Variants in DTNA observed in about 807,000 individuals in gnomAD.
The protein encoded by DTNA is dystrophin-related protein 3.
In DTNA, 43 loss-of-function variants were observed where a neutral mutation model predicts 100.7. The ratio of observed to expected loss-of-function variants is 0.43; its 90% confidence interval spans 0.33 to 0.55. DTNA has a LOEUF of 0.55. Ranked by LOEUF, DTNA falls within the 20% of genes least tolerant of loss-of-function variation. The pLI is 0.04. For synonymous variants in DTNA, 349 were observed against 347.9 expected (o/e 1.00, Z -0.04); for missense variants, 798 against 953.9 (o/e 0.84, Z 2.15).
chr18:34,729,116 G>T (rs1375527267), intron 1 of DTNA, among the ~76,000 whole-genome samples: 1 of 152,188 alleles, frequency 6.6e-6, no homozygotes, highest in Non-Finnish European at 1.5e-5. Context: ...AATGTCAATG[G>T]CAGGAACTCA....
At chr18:34,559,380 A>G (rs993341587) in intron 1 of DTNA, among the ~76,000 whole-genome samples, 4 of 152,354 alleles carry the variant, frequency 2.6e-5, no homozygotes, top group Non-Finnish European at 5.9e-5. Flanking sequence ...AAGTATTCCA[A>G]AAATACTGAA....
intron 1 of DTNA, among the ~76,000 whole-genome samples, chr18:34,626,483 T>G (rs2057338464): frequency 6.6e-6 from 1 of 152,204 alleles, no homozygotes; most frequent in Non-Finnish European, 1.5e-5. Flanking sequence ...TCTGTAAGGC[T>G]GTTTTCTGTT....
chr18:34,562,662 C>A (rs1045542040), intron 1 of DTNA, among the ~76,000 whole-genome samples: 7 of 152,160 alleles, frequency 4.6e-5, no homozygotes, highest in African/African-American at 1.7e-4. Context: ...AAAGTGTGAT[C>A]CCCTGGGCAT....
At chr18:34,797,445 C>T (rs901647856) in intron 4 of DTNA, among the ~76,000 whole-genome samples, 4 of 152,110 alleles carry the variant, frequency 2.6e-5, no homozygotes, top group African/African-American at 9.7e-5. Flanking sequence ...CCGATCACCC[C>T]AGGAACTGGC....
At chr18:34,565,027 A>G (rs1194951675) in intron 1 of DTNA, among the ~76,000 whole-genome samples, 1 of 152,224 alleles carries the variant, frequency 6.6e-6, no homozygotes, top group Non-Finnish European at 1.5e-5. Context: ...GTTCTGAGTG[A>G]CTTTGCTATT....
chr18:34,594,782 C>T (rs925748367), intron 1 of DTNA, among the ~76,000 whole-genome samples: 3 of 152,084 alleles, frequency 2.0e-5, no homozygotes, highest in African/African-American at 7.2e-5. Context: ...TTCTGATGCC[C>T]CTTTCCTCCT....
intron 1 of DTNA, among the ~76,000 whole-genome samples, chr18:34,722,704 G>T (rs1338302377): frequency 1.3e-5 from 2 of 151,664 alleles, no homozygotes; most frequent in Non-Finnish European, 2.9e-5. Flanking sequence ...AAGCTCCTTG[G>T]TAATGCCTCC....
intron 1 of DTNA, among the ~76,000 whole-genome samples, chr18:34,695,818 C>T (rs2080452618): frequency 6.6e-6 from 1 of 152,210 alleles, no homozygotes; most frequent in Non-Finnish European, 1.5e-5. Flanking sequence ...ACTCAACACT[C>T]TCAAACAGCT....
chr18:34,573,825 C>T (rs1309979132), intron 1 of DTNA, among the ~76,000 whole-genome samples: 2 of 152,176 alleles, frequency 1.3e-5, no homozygotes, highest in African/African-American at 4.8e-5. Context: ...GCTAAAATTG[C>T]GTATCCTTTG....
chr18:34,522,507 G>C (rs561584098), intron 1 of DTNA, among the ~76,000 whole-genome samples: 1 of 152,238 alleles, frequency 6.6e-6, no homozygotes, highest in South Asian at 2.1e-4. Context: ...ATAGATAAAT[G>C]GATCATTTTC....
At chr18:34,494,517 C>G (rs942418159) in intron 1 of DTNA, among the ~76,000 whole-genome samples, 1 of 152,046 alleles carries the variant, frequency 6.6e-6, no homozygotes, top group African/African-American at 2.4e-5. Flanking sequence ...TGTCAAAAGA[C>G]CAAAGCCAAA....
chr18:34,812,184 A>G (rs1480034534), intron 6 of DTNA, 71 bp downstream of exon 6: 2 of 1,600,688 alleles, frequency 1.2e-6, no homozygotes, highest in Non-Finnish European at 1.7e-6. Context: ...ATGTCATTCC[A>G]GGTCACAGAT....
At chr18:34,513,858 A>C (rs1452803013) in intron 1 of DTNA, 1 of 152,120 alleles carries the variant, frequency 6.6e-6, no homozygotes, top group Non-Finnish European at 1.5e-5. Context: ...TTTACCATTA[A>C]CTACTACCTG....
At chr18:34,805,819 G>A (rs2095347434) in intron 4 of DTNA, among the ~76,000 whole-genome samples, 1 of 151,544 alleles carries the variant, frequency 6.6e-6, no homozygotes, top group African/African-American at 2.4e-5. Flanking sequence ...CTGAAGCTCT[G>A]TTTAAGTAAA....
chr18:34,504,429 T>G (rs1215885236), intron 1 of DTNA, among the ~76,000 whole-genome samples: 1 of 152,210 alleles, frequency 6.6e-6, no homozygotes, highest in Non-Finnish European at 1.5e-5. Context: ...TTGCTTACCA[T>G]GTTCTTTTTT....
intron 1 of DTNA, among the ~76,000 whole-genome samples, chr18:34,669,859 A>T (rs1040207200): frequency 5.3e-5 from 8 of 151,760 alleles, no homozygotes; most frequent in African/African-American, 1.9e-4. Context: ...TGCCCTTAAT[A>T]TTTTTTCCTT....
intron 1 of DTNA, among the ~76,000 whole-genome samples, chr18:34,585,890 TTTTATTAA>T (rs2146783131): frequency 6.6e-6 from 1 of 152,234 alleles, no homozygotes; most frequent in African/African-American, 2.4e-5. Flanking sequence ...GTGCATGAAT[TTTTATTAA>T]TATGAAAAAG....
intron 1 of DTNA, among the ~76,000 whole-genome samples, chr18:34,556,547 C>A (rs535848709): frequency 6.6e-6 from 1 of 151,888 alleles, no homozygotes; most frequent in African/African-American, 2.4e-5. Flanking sequence ...CCTTCAGGAG[C>A]GCTTTTAGGG....
At chr18:34,579,148 G>C (rs1233812518) in intron 1 of DTNA, among the ~76,000 whole-genome samples, 1 of 151,964 alleles carries the variant, frequency 6.6e-6, no homozygotes, top group Non-Finnish European at 1.5e-5. Flanking sequence ...AAATAACCAT[G>C]TAAGAACCTT....
Sources: allele counts gnomAD v4.1 joint callset (sites outside exome capture counted in the v4.1 genomes callset), GRCh38; gene constraint gnomAD v4.1.1; transcripts MANE v1.5; gene names NCBI Gene and HGNC (gene_info 2026-07-23, HGNC 2026-07-21).